RIMS2: variants seen among roughly 807,000 people sequenced by gnomAD.
RIMS2 encodes regulating synaptic membrane exocytosis 2.
RIMS2 carries 59 observed loss-of-function variants against 174.4 expected under a neutral mutation model. The ratio of observed to expected loss-of-function variants is 0.34; its 90% confidence interval spans 0.27 to 0.42. The LOEUF (loss-of-function observed/expected upper bound fraction) is 0.42, where lower values mean the gene tolerates loss of function less well. Among genes scored for constraint, RIMS2 ranks in the 10% least tolerant of loss-of-function variants. RIMS2 has a pLI of 1.00. For synonymous variants in RIMS2, 606 were observed against 572.5 expected (o/e 1.06, Z -0.84); for missense variants, 1,620 against 1,666.3 (o/e 0.97, Z 0.48).
rs150672724 is a variant in RIMS2, at chr8:104,106,765, A to T, written c.3334+92150A>T. ...TAAGGACAATTAATCTATAGCTGTT[A>T]TTCAAACTAAATGCAGTATTCTGAC... is the stretch of plus-strand genomic sequence containing the variant. On this transcript the variant is annotated intron_variant, in intron 19 of 23. Coordinates refer to ENST00000504942, the Ensembl canonical transcript of RIMS2. Among the ~76,000 whole-genome samples, 809 of 152,312 alleles carry T rather than the reference A, an allele frequency of 5.3e-3. 7 individuals are homozygous for T. Among genetic ancestry groups the T allele is most frequent in the Non-Finnish European group, 5.9e-3 (404 of 68,014 alleles).
At chr8:103,683,882 G>A (rs533774993) in intron 1 of RIMS2, among the ~76,000 whole-genome samples, 1 of 152,220 alleles carries the variant, frequency 6.6e-6, no homozygotes, top group South Asian at 2.1e-4. Flanking sequence ...TCAGGGAAAA[G>A]CAGGGTATTA....
chr8:103,641,435 A>T (rs1389846931), intron 1 of RIMS2, among the ~76,000 whole-genome samples: 1 of 152,136 alleles, frequency 6.6e-6, no homozygotes, highest in Non-Finnish European at 1.5e-5. Flanking sequence ...GTAAACTATT[A>T]TTACTGTACT....
At chr8:104,051,347 A>G (rs1301888862) in intron 19 of RIMS2, among the ~76,000 whole-genome samples, 1 of 152,284 alleles carries the variant, frequency 6.6e-6, no homozygotes, top group East Asian at 1.9e-4. Flanking sequence ...GAAGAAAGCT[A>G]TGTAAAGTAA....
chr8:103,575,649 T>C (rs193189306), intron 1 of RIMS2, among the ~76,000 whole-genome samples: 16 of 144,164 alleles, frequency 1.1e-4, no homozygotes, highest in African/African-American at 4.1e-4. Flanking sequence ...TTATATATAA[T>C]TTATATATAT....
At chr8:104,021,616 T>G (rs976039049) in intron 19 of RIMS2, among the ~76,000 whole-genome samples, 6 of 152,208 alleles carry the variant, frequency 3.9e-5, no homozygotes, top group African/African-American at 1.4e-4. Context: ...TTTAACTAAC[T>G]GAGGAAGTAT....
chr8:103,513,010 G>A (rs967549715), intron 1 of RIMS2, among the ~76,000 whole-genome samples: 29 of 152,084 alleles, frequency 1.9e-4, no homozygotes, highest in African/African-American at 2.4e-5. Flanking sequence ...TTAAAATGTT[G>A]TGTTAACTAA....
At chr8:104,164,347 A>G (rs1024256927) in intron 19 of RIMS2, among the ~76,000 whole-genome samples, 1 of 151,704 alleles carries the variant, frequency 6.6e-6, no homozygotes, top group Non-Finnish European at 1.5e-5. Flanking sequence ...TCTGTTTTAC[A>G]AAAAAACACA....
At chr8:103,639,079 G>A (rs2096162887) in intron 1 of RIMS2, among the ~76,000 whole-genome samples, 1 of 151,902 alleles carries the variant, frequency 6.6e-6, no homozygotes, top group Non-Finnish European at 1.5e-5. Flanking sequence ...ATGTAGAATA[G>A]TTTCACAAAT....
chr8:104,174,841 A>G (rs1187432721), intron 19 of RIMS2, among the ~76,000 whole-genome samples: 3 of 152,212 alleles, frequency 2.0e-5, no homozygotes, highest in Non-Finnish European at 4.4e-5. Context: ...CTTCCTTTCA[A>G]TACCTGATCC....
chr8:103,551,908 C>G (rs934371896), intron 1 of RIMS2, among the ~76,000 whole-genome samples: 1 of 152,098 alleles, frequency 6.6e-6, no homozygotes, highest in Non-Finnish European at 1.5e-5. Context: ...TGTGAAGGAC[C>G]TCTTCAAAGA....
intron 1 of RIMS2, among the ~76,000 whole-genome samples, chr8:103,571,055 A>T (rs1452823296): frequency 6.6e-6 from 1 of 152,056 alleles, no homozygotes; most frequent in Non-Finnish European, 1.5e-5. Flanking sequence ...GTCTGTATAA[A>T]TTCTCACTCA....
At chr8:104,079,577 AT>A (rs2154562926) in intron 19 of RIMS2, among the ~76,000 whole-genome samples, 1 of 140,132 alleles carries the variant, frequency 7.1e-6, no homozygotes, top group African/African-American at 2.6e-5. Flanking sequence ...CAAATTTCAC[AT>A]AACTGAAAGG....
intron 16 of RIMS2, among the ~76,000 whole-genome samples, chr8:103,987,117 G>C (rs1266906747): frequency 6.6e-6 from 1 of 151,692 alleles, no homozygotes; most frequent in Non-Finnish European, 1.5e-5. Flanking sequence ...CATAACCTTA[G>C]TTCTAATTCT....
intron 19 of RIMS2, among the ~76,000 whole-genome samples, chr8:104,062,163 T>C (rs933918451): frequency 6.6e-6 from 1 of 152,140 alleles, no homozygotes; most frequent in African/African-American, 2.4e-5. Context: ...CTCAGCACTT[T>C]GGGAGGCTGA....
intron 3 of RIMS2, among the ~76,000 whole-genome samples, chr8:103,792,289 A>G (rs962894068): frequency 6.6e-6 from 1 of 152,224 alleles, no homozygotes; most frequent in Non-Finnish European, 1.5e-5. Flanking sequence ...TCTCACCTAC[A>G]TGGAAACTGA....
rs540595330 is a variant in RIMS2, at chr8:103,739,515, A to G, written c.388-26712A>G. 1.1e-4 allele frequency among the ~76,000 whole-genome samples: 16 copies of G among 152,336 alleles called. No individual in the cohort carries two copies. In the East Asian group the frequency reaches 2.3e-3, roughly 22 times the overall value. On this transcript the variant is annotated intron_variant, in intron 2 of 23. Transcript: ENST00000504942. ...GCACGTTGTGCACATGTACCCTAGA[A>G]CTTAAAGTATAATATAAAACATAAA...
chr8:104,225,579 C>T (rs115561659), intron 19 of RIMS2, among the ~76,000 whole-genome samples: 1 of 152,046 alleles, frequency 6.6e-6, no homozygotes, highest in Admixed American at 6.6e-5. Context: ...TACAAAATAT[C>T]ATTCCAAAAA....
chr8:104,090,670 G>T (rs182274241), intron 19 of RIMS2, among the ~76,000 whole-genome samples: 1 of 151,716 alleles, frequency 6.6e-6, no homozygotes, highest in Non-Finnish European at 1.5e-5. Context: ...CCTGCAGTCG[G>T]GAATCAGTAT....
chr8:103,766,475 G>A (rs780258644), exon 3 of RIMS2: 2 of 1,613,814 alleles, frequency 1.2e-6, no homozygotes, highest in South Asian at 2.2e-5. Flanking sequence ...TCACAAGACA[G>A]CATTCTATTA....
Sources: gnomAD v4.1 joint callset for allele counts (sites outside exome capture counted in the v4.1 genomes callset) on GRCh38, gnomAD v4.1.1 for gene constraint, MANE v1.5 for transcripts, NCBI Gene and HGNC (gene_info 2026-07-23, HGNC 2026-07-21) for gene names.